The following MARVELD3 variants were observed in gnomAD, a reference collection of about 807,000 sequenced individuals.
The protein encoded by MARVELD3 is MARVEL domain containing 3, also known as MARVEL domain-containing protein 3.
Under a neutral mutation model 33.5 loss-of-function variants are expected in MARVELD3, and 28 were observed. The observed-to-expected ratio is 0.84, with a 90% CI of 0.62 to 1.15. MARVELD3 has a LOEUF of 1.15. Ranked by LOEUF, MARVELD3 falls within the 50% of genes most tolerant of loss-of-function variation. MARVELD3 has a pLI of 0.00. For synonymous variants in MARVELD3, 241 were observed against 230.4 expected, an observed-to-expected ratio of 1.05 and a Z score of -0.42; for missense variants, 582 against 547.6, an observed-to-expected ratio of 1.06 and a Z score of -0.63.
chr16:71,641,069 A>G (rs2044616004), downstream of MARVELD3: 2 of 1,560,650 alleles, frequency 1.3e-6, no homozygotes, highest in Non-Finnish European at 8.7e-7. Context: ...TGTTTCTCTC[A>G]AAAAGACAGG....
In MARVELD3 at chr16:71,626,460, GGAGAGAGAGAGGGAAAGA is replaced by G. The variant is rs1567602809; in HGVS notation, c.234_251del (p.Glu78_Arg83del). Reference sequence around the variant, plus strand: ...GCGACCGGAACCGGGACCGGGAGAGGGAGAGAGAGAGGGAAAGAGACCCGGACCGAGGCCCCCGCCGGG... The same window carrying G: ...GCGACCGGAACCGGGACCGGGAGAGGGACCCGGACCGAGGCCCCCGCCGGG... On this transcript the variant is annotated inframe_deletion, in exon 1 of 3. Coordinates refer to ENST00000268485, the MANE Select transcript of MARVELD3 (RefSeq NM_052858.6). The surrounding 1 kb of genome is among the most constrained non-coding windows in gnomAD (Gnocchi z 5.3). 1 of 1,549,320 alleles carries G rather than the reference GGAGAGAGAGAGGGAAAGA, an allele frequency of 6.5e-7. No homozygotes were observed. The highest frequency in any genetic ancestry group is 8.7e-7 in the Non-Finnish European group (1 of 1,146,746).
At chr16:71,640,480 G>C (rs1355847804), downstream of MARVELD3, 2 of 1,614,016 alleles carry the variant, frequency 1.2e-6, no homozygotes, top group African/African-American at 1.3e-5. Context: ...TTCAGTGCCA[G>C]CTTTTCCAGC....
intron 1 of MARVELD3, among the ~76,000 whole-genome samples, chr16:71,628,333 G>A (rs1456138796): frequency 2.0e-5 from 3 of 152,220 alleles, no homozygotes; most frequent in Admixed American, 1.3e-4. Context: ...TAAGGAGTTC[G>A]AGACCAGCCT....
At position 71,626,336 on chromosome 16, in the gene MARVELD3, A is replaced by T. The variant is rs376285378; in HGVS notation, c.107A>T (p.Asp36Val). 18 of 1,548,060 alleles carry T rather than the reference A, an allele frequency of 1.2e-5. No individual in the cohort carries two copies. The highest frequency in any genetic ancestry group is 2.0e-5 in the Admixed American group (1 of 50,978). Residue 36 changes from aspartate (D) to valine (V), a missense_variant, in exon 1 of 3, where the codon GAC (aspartate) becomes GTC (valine). Asp to Val is a radical substitution (Grantham distance 152). Coordinates refer to ENST00000268485, the MANE Select transcript of MARVELD3 (RefSeq NM_052858.6). This position sits in a 1 kb window ranked among gnomAD's most constrained non-coding sequence, Gnocchi z 5.3. Reference protein sequence around the residue: ...DQGRTHDRPRDRPGDPRRKRS... With the variant: ...DQGRTHDRPRVRPGDPRRKRS... ...GGCCGCACCCACGATCGACCGCGGGACCGACCCGGGGACCCGCGCAGGAAG... is the reference window on the plus strand; with the variant it reads ...GGCCGCACCCACGATCGACCGCGGGTCCGACCCGGGGACCCGCGCAGGAAG...
chr16:71,635,650 C>T lies in MARVELD3; in HGVS notation c.*847C>T. On this transcript the variant is annotated 3_prime_UTR_variant, in exon 3 of 3. Coordinates refer to ENST00000268485, the MANE Select transcript of MARVELD3 (RefSeq NM_052858.6). The stretch of plus-strand genomic sequence containing the variant: ...AAAAGTTCATGGAGAGCCACATAGA[C>T]ATGAGACCACACTTCAGCCTGAATT... 1.0e-6 allele frequency: 1 copy of T among 985,184 alleles called. No individual in the cohort carries two copies. The highest frequency in any genetic ancestry group is 1.2e-6 in the Non-Finnish European group (1 of 829,924). The allele number at this position is 985,184 out of a possible 1,614,324, so 61.0% of individuals were successfully genotyped here. A position where few individuals can be genotyped will look rare whatever the true frequency, so the allele number is the denominator to read the frequency against.
chr16:71,632,537 T>A (rs1408173439), intron 2 of MARVELD3, among the ~76,000 whole-genome samples: 1 of 152,096 alleles, frequency 6.6e-6, no homozygotes, highest in Non-Finnish European at 1.5e-5. Flanking sequence ...ATAAAACAAC[T>A]TTTTAATTCA....
At chr16:71,629,282 C>A in intron 1 of MARVELD3, 85 bp from the exon 2 acceptor site, 2 of 1,391,778 alleles carry the variant, frequency 1.4e-6, no homozygotes, top group Non-Finnish European at 9.5e-7. Flanking sequence ...AATATTTGGG[C>A]CCAGCACGAG....
At position 71,626,786 on chromosome 16, in the gene MARVELD3, T is replaced by C. The variant is rs1183376767; in HGVS notation, c.467+90T>C. The C allele has an allele frequency of 1.8e-6, 2 of 1,105,162 alleles. No individual in the cohort carries two copies. The highest frequency in any genetic ancestry group is 2.4e-6 in the Non-Finnish European group (2 of 829,692). 68.5% of individuals were successfully genotyped at this position (1,105,162 alleles called of 1,614,324 possible). On this transcript the variant is annotated intron_variant, in intron 1 of 2. Transcript: ENST00000268485. The surrounding 1 kb of genome is among the most constrained non-coding windows in gnomAD (Gnocchi z 5.3). ...AGGCCCTGGCGTCCCCGGGTTCTCG[T>C]CCTAGGAGCCCGTTTAAATGAACAA...
At chr16:71,629,950 T>C (rs941800719) in intron 2 of MARVELD3, among the ~76,000 whole-genome samples, 3 of 152,078 alleles carry the variant, frequency 2.0e-5, no homozygotes, top group Non-Finnish European at 2.9e-5. Flanking sequence ...TTTTAAACTT[T>C]ATTGACTGAG....
chr16:71,626,191 C>T lies in MARVELD3; in HGVS notation c.-39C>T. ...TGCCCAAGAAACTTGTTGGTTGTTG[C>T]CCTCAGGTCGCTCCCGGGCGGGGAC... On this transcript the variant is annotated 5_prime_UTR_variant, in exon 1 of 3. Coordinates refer to ENST00000268485, the MANE Select transcript of MARVELD3 (RefSeq NM_052858.6). The surrounding 1 kb of genome is among the most constrained non-coding windows in gnomAD (Gnocchi z 5.3). 1 of 1,434,390 alleles carries T rather than the reference C, an allele frequency of 7.0e-7. No individual in the cohort carries two copies. Among genetic ancestry groups the T allele is most frequent in the Non-Finnish European group, 9.1e-7 (1 of 1,093,574 alleles). The allele number at this position is 1,434,390 out of a possible 1,614,324, so 88.9% of individuals were successfully genotyped here.
At chr16:71,630,042 G>A (rs1274303079) in intron 2 of MARVELD3, among the ~76,000 whole-genome samples, 1 of 147,940 alleles carries the variant, frequency 6.8e-6, no homozygotes, top group Non-Finnish European at 1.5e-5. Flanking sequence ...AGGAGTTTGA[G>A]ACCAACTTGG....
chr16:71,629,595 G>A (rs757813312), intron 2 of MARVELD3, 101 bp downstream of exon 2: 1 of 1,131,252 alleles, frequency 8.8e-7, no homozygotes, highest in Non-Finnish European at 1.2e-6. Flanking sequence ...ATTCCCTTGT[G>A]GGTTCCTAGC....
Position 71,629,486 on chromosome 16 carries a change from C to T in MARVELD3, c.587C>T (p.Thr196Ile), listed in dbSNP as rs199614023. Residue 196 changes from threonine (T) to isoleucine (I), a missense_variant, in exon 2 of 3, where the codon ACT becomes ATT. Coordinates refer to ENST00000268485, the MANE Select transcript of MARVELD3 (RefSeq NM_052858.6). Reference sequence around the variant, plus strand: ...TGCCACAAATGCAAATACTTGTGCACTGGGAGAGGTGAGCCGTTTTGCAGG... The same window carrying T: ...TGCCACAAATGCAAATACTTGTGCATTGGGAGAGGTGAGCCGTTTTGCAGG... ...LECHKCKYLC[T>I]GRACCQMLEV... 3 of 1,568,978 alleles carry T rather than the reference C, an allele frequency of 1.9e-6. No individual in the cohort carries two copies. The highest frequency in any genetic ancestry group is 2.4e-5 in the East Asian group (1 of 40,922).
intron 1 of MARVELD3, among the ~76,000 whole-genome samples, chr16:71,628,054 G>C (rs1024347887): frequency 2.0e-5 from 3 of 152,166 alleles, no homozygotes; most frequent in African/African-American, 7.2e-5. Context: ...TGTCCACACA[G>C]CGGGAGAGCT....
At chr16:71,641,057 A>G (rs74027272), downstream of MARVELD3, 1,477 of 1,572,344 alleles carry the variant, frequency 9.4e-4, 20 homozygotes, top group African/African-American at 0.017. Flanking sequence ...GTGAACGCAC[A>G]TTGTTTCTCT....
rs1323435806 is a variant in MARVELD3 at position 71,634,957 on chromosome 16, C to A, written c.*154C>A. 11 of 1,425,262 alleles carry A rather than the reference C, an allele frequency of 7.7e-6. No individual in the cohort carries two copies. The highest frequency in any genetic ancestry group is 9.2e-6 in the Non-Finnish European group (10 of 1,091,842). The allele number at this position is 1,425,262 out of a possible 1,614,324, so 88.3% of individuals were successfully genotyped here. On this transcript the variant is annotated 3_prime_UTR_variant, in exon 3 of 3. Transcript: ENST00000268485. ...GGGCGGAGCTCCCAGTCGCATGGAG[C>A]GGTGTTCATGGATGCAACAGACCCT...
chr16:71,641,024 T>C (rs1434687741), downstream of MARVELD3: 2 of 1,596,404 alleles, frequency 1.3e-6, no homozygotes, highest in Admixed American at 3.4e-5. Context: ...CTGGAACTCT[T>C]TGAGATCTTC....
rs564866214 is a variant in MARVELD3, at chr16:71,634,069, G to T, written c.596-124G>T. 106 of 1,462,440 alleles carry T rather than the reference G, an allele frequency of 7.2e-5. No individual in the cohort carries two copies. The African/African-American group carries it at 1.3e-3, about 18-fold the overall frequency. 90.6% of individuals were successfully genotyped at this position (1,462,440 alleles called of 1,614,324 possible). A position where few individuals can be genotyped will look rare whatever the true frequency, so the allele number is the denominator to read the frequency against. ...GTTTTAATCGCGCTGCTTTGGCCTC[G>T]GGTCTTCCACAGGGCCAGAAGCCTT... On this transcript the variant is annotated intron_variant, in intron 2 of 2. Transcript: ENST00000268485.
In MARVELD3 at chr16:71,635,128, G is replaced by A; in HGVS notation, c.*325G>A. On this transcript the variant is annotated 3_prime_UTR_variant, in exon 3 of 3. Coordinates refer to ENST00000268485, the MANE Select transcript of MARVELD3 (RefSeq NM_052858.6). The stretch of plus-strand genomic sequence containing the variant: ...GGATCACTTGAGGTCAGGAGCTCGA[G>A]ACCAGCTTGGCCAACATGGTGAGCC... 1.1e-6 allele frequency: 1 copy of A among 905,906 alleles called. No homozygotes were observed. Among genetic ancestry groups the A allele is most frequent in the Non-Finnish European group, 1.3e-6 (1 of 747,126 alleles). The allele number at this position is 905,906 out of a possible 1,614,324, so 56.1% of individuals were successfully genotyped here.
Sources: gnomAD v4.1 joint callset for allele counts (sites outside exome capture counted in the v4.1 genomes callset) on GRCh38, gnomAD v4.1.1 for gene constraint, Gnocchi (gnomAD v3.1) non-coding constraint, MANE v1.5 for transcripts, NCBI Gene and HGNC (gene_info 2026-07-23, HGNC 2026-07-21) for gene names.